The following TBXAS1 variants were observed in gnomAD, a reference collection of about 807,000 sequenced individuals.
TBXAS1 encodes the protein thromboxane A synthase 1.
TBXAS1 carries 48 observed loss-of-function variants against 60.7 expected under a neutral mutation model. The observed-to-expected ratio is 0.79, with a 90% confidence interval of 0.63 to 1.01. The LOEUF (loss-of-function observed/expected upper bound fraction) is 1.01, where lower values mean the gene tolerates loss of function less well. Ranked by LOEUF, TBXAS1 falls within the 50% of genes least tolerant of loss-of-function variation. The pLI, the probability that TBXAS1 is intolerant of heterozygous loss-of-function variation, is 0.00. For missense variants in TBXAS1, 685 were observed against 686.3 expected, an observed-to-expected ratio of 1.00 and a Z score of 0.02; for synonymous variants, 287 against 269.7, an observed-to-expected ratio of 1.06 and a Z score of -0.63.
chr7:139,811,065 A>T (rs959557143), intron 4 of TBXAS1, among the ~76,000 whole-genome samples: 6 of 152,262 alleles, frequency 3.9e-5, no homozygotes, highest in African/African-American at 1.4e-4. Context: ...CAAAATCAGA[A>T]GACTGAGTTC....
At chr7:139,953,998 A>G (rs1391658004) in intron 6 of TBXAS1, among the ~76,000 whole-genome samples, 1 of 151,904 alleles carries the variant, frequency 6.6e-6, no homozygotes, top group Non-Finnish European at 1.5e-5. Context: ...TTCTTAAAAC[A>G]TTGTGAGTTT....
intron 1 of TBXAS1, among the ~76,000 whole-genome samples, chr7:139,870,549 T>C (rs542736524): frequency 6.6e-6 from 1 of 152,360 alleles, no homozygotes; most frequent in South Asian, 2.1e-4. Context: ...TTTTACCAAC[T>C]GTGCTGTCAA....
intron 9 of TBXAS1, among the ~76,000 whole-genome samples, chr7:139,985,093 G>A (rs933262745): frequency 1.3e-5 from 2 of 152,184 alleles, no homozygotes; most frequent in East Asian, 1.9e-4. Flanking sequence ...CTCCAGGAGC[G>A]AGGGGCTCAC....
intron 4 of TBXAS1, among the ~76,000 whole-genome samples, chr7:139,911,971 C>T (rs1805560803): frequency 6.6e-6 from 1 of 152,204 alleles, no homozygotes; most frequent in South Asian, 2.1e-4. Context: ...TGGCTCATAC[C>T]TGTAGTCCCC....
intron 3 of TBXAS1, among the ~76,000 whole-genome samples, chr7:139,890,088 A>G (rs1803440954): frequency 6.6e-6 from 1 of 152,154 alleles, no homozygotes; most frequent in Admixed American, 6.5e-5. Flanking sequence ...ACTGACAGTA[A>G]TAATTGTTAC....
chr7:139,906,852 T>C (rs548368860), intron 3 of TBXAS1, among the ~76,000 whole-genome samples: 2 of 152,348 alleles, frequency 1.3e-5, no homozygotes, highest in East Asian at 1.9e-4. Context: ...ATTGTTAGCA[T>C]GTAGAAATGC....
rs71170920 is a variant in TBXAS1 at position 139,893,325 on chromosome 7, GACACACACAC to G, written c.236+17722_236+17731del. On this transcript the variant is annotated intron_variant, in intron 3 of 12. Transcript: ENST00000448866. Reference sequence around the variant, plus strand: ...TGTCCTGCACATATTCTATGGAATAGACACACACACACACACACACACACACACACACACA... The same window carrying G: ...TGTCCTGCACATATTCTATGGAATAGACACACACACACACACACACACACA... Among the ~76,000 whole-genome samples the G allele has an allele frequency of 1.8e-4, 25 of 139,976 alleles. No individual in the cohort carries two copies. The South Asian group carries it at 2.2e-3, about 12-fold the overall frequency. 91.8% of individuals were successfully genotyped at this position (139,976 alleles called of 152,430 possible).
intron 3 of TBXAS1, among the ~76,000 whole-genome samples, chr7:139,886,832 C>T (rs1477995211): frequency 2.0e-5 from 3 of 152,150 alleles, no homozygotes; most frequent in Non-Finnish European, 4.4e-5. Context: ...AGGTTCTTCC[C>T]AAAGACTCCA....
chr7:139,990,783 C>T (rs775850497), intron 9 of TBXAS1, among the ~76,000 whole-genome samples: 22 of 151,610 alleles, frequency 1.5e-4, no homozygotes, highest in African/African-American at 5.1e-4. Context: ...CCTGGGCCTA[C>T]GATCCTGCAA....
At position 139,872,951 on chromosome 7, in the gene TBXAS1, G is replaced by A. The variant is rs1584734173; in HGVS notation, c.183+623G>A. Among the ~76,000 whole-genome samples, 5 of 152,284 alleles carry A rather than the reference G, an allele frequency of 3.3e-5. No homozygotes were observed. In the South Asian group the frequency reaches 1.0e-3, roughly 32 times the overall value. ...TAGAGTGTAGAAGAAGAGGTTACTT[G>A]TGCCCTCAAGTGCACTGTCAAATGA... On this transcript the variant is annotated intron_variant, in intron 2 of 12. Coordinates refer to ENST00000448866, the MANE Select transcript of TBXAS1 (RefSeq NM_001061.7).
intron 10 of TBXAS1, among the ~76,000 whole-genome samples, chr7:140,012,419 C>T (rs2116433658): frequency 6.6e-6 from 1 of 151,862 alleles, no homozygotes; most frequent in South Asian, 2.1e-4. Flanking sequence ...TCCTAAAAGG[C>T]TCTATCTCAT....
intron 1 of TBXAS1, among the ~76,000 whole-genome samples, chr7:139,855,271 A>G (rs976889854): frequency 6.6e-6 from 1 of 152,168 alleles, no homozygotes; most frequent in Admixed American, 6.5e-5. Flanking sequence ...ACAAACTAAG[A>G]CAGGTATCAA....
In TBXAS1 at chr7:140,013,103, A is replaced by G. The variant is rs1814747196; in HGVS notation, c.1227-2620A>G. 1.3e-5 allele frequency among the ~76,000 whole-genome samples: 2 copies of G among 151,208 alleles called. No homozygotes were observed. The highest frequency in any genetic ancestry group is 3.0e-5 in the Non-Finnish European group (2 of 67,728). ...CCATCTCAAAAAAAAAAAAAAAAAGAAATTGGGGCAAGATGTATGACATAA... is the reference window on the plus strand; with the variant it reads ...CCATCTCAAAAAAAAAAAAAAAAAGGAATTGGGGCAAGATGTATGACATAA... On this transcript the variant is annotated intron_variant, in intron 10 of 12. Transcript: ENST00000448866. The surrounding 1 kb of genome is among the most constrained non-coding windows in gnomAD (Gnocchi z 4.2).
At chr7:139,991,109 C>T (rs897262267) in intron 9 of TBXAS1, among the ~76,000 whole-genome samples, 4 of 152,178 alleles carry the variant, frequency 2.6e-5, no homozygotes, top group African/African-American at 7.2e-5. Context: ...CCACAGAGAG[C>T]GTGCGCTCCA....
intron 4 of TBXAS1, among the ~76,000 whole-genome samples, chr7:139,802,072 T>C (rs186938951): frequency 1.3e-5 from 2 of 152,294 alleles, no homozygotes; most frequent in East Asian, 3.9e-4. Flanking sequence ...TCACATTATT[T>C]TCTTAACTGT....
chr7:139,801,596 A>C (rs1182453242), intron 4 of TBXAS1, among the ~76,000 whole-genome samples: 1 of 152,058 alleles, frequency 6.6e-6, no homozygotes, highest in Non-Finnish European at 1.5e-5. Context: ...CAGCCTCCCA[A>C]GTAGCTGGGA....
intron 9 of TBXAS1, among the ~76,000 whole-genome samples, chr7:139,966,378 G>A (rs1300871319): frequency 1.3e-5 from 2 of 152,190 alleles, no homozygotes; most frequent in Admixed American, 1.3e-4. Flanking sequence ...GATTGTCTCA[G>A]GGAGTTTACT....
At chr7:139,779,596 A>G (rs1329152736) in intron 1 of TBXAS1, among the ~76,000 whole-genome samples, 1 of 152,050 alleles carries the variant, frequency 6.6e-6, no homozygotes, top group Non-Finnish European at 1.5e-5. Flanking sequence ...TTTTTGCTCC[A>G]CACCGGTCAT....
intron 3 of TBXAS1, among the ~76,000 whole-genome samples, chr7:139,889,308 GA>G (rs1803369325): frequency 1.4e-5 from 2 of 140,670 alleles, no homozygotes; most frequent in South Asian, 2.2e-4. Flanking sequence ...TAATCCTGTC[GA>G]AAAAAAAGGA....
Sources: gnomAD v4.1 joint callset for allele counts (sites outside exome capture counted in the v4.1 genomes callset) on GRCh38, gnomAD v4.1.1 for gene constraint, Gnocchi (gnomAD v3.1) non-coding constraint, MANE v1.5 for transcripts, NCBI Gene and HGNC (gene_info 2026-07-23, HGNC 2026-07-21) for gene names.